FRK: variants seen among roughly 807,000 people sequenced by gnomAD.
The protein encoded by FRK is fyn related Src family tyrosine kinase.
FRK carries 51 observed loss-of-function variants against 56.4 expected under a neutral mutation model. That is an observed-to-expected ratio of 0.90 (90% CI 0.72 to 1.14). The LOEUF is 1.14. FRK is among the 50% of genes most tolerant of loss of function. The pLI, the probability that FRK is intolerant of heterozygous loss-of-function variation, is 0.00. For missense variants in FRK, 570 were observed against 601.4 expected (o/e 0.95, Z 0.55); for synonymous variants, 245 against 217.9 (o/e 1.12, Z -1.10).
At chr6:116,035,741 C>G (rs1381438682) in intron 1 of FRK, among the ~76,000 whole-genome samples, 2 of 152,066 alleles carry the variant, frequency 1.3e-5, no homozygotes, top group Admixed American at 6.6e-5. Context: ...TCCTTAATCA[C>G]TACTGCACTC....
the FRK span, among the ~76,000 whole-genome samples, chr6:116,083,209 T>C: frequency 6.6e-6 from 1 of 152,218 alleles, no homozygotes; most frequent in Non-Finnish European, 1.5e-5. Context: ...ATAACGTCAG[T>C]GACTCTACAG....
the FRK span, among the ~76,000 whole-genome samples, chr6:116,092,966 TAGGGAAAAATGGCCACCTG>T: frequency 6.6e-6 from 1 of 152,142 alleles, no homozygotes; most frequent in Non-Finnish European, 1.5e-5. Flanking sequence ...CTCTCTCTGA[TAGGGAAAAATGGCCACCTG>T]AGGGAGGTAT....
intron 5 of FRK, among the ~76,000 whole-genome samples, chr6:115,950,571 G>A (rs768167156): frequency 1.8e-4 from 28 of 152,218 alleles, no homozygotes; most frequent in Non-Finnish European, 3.2e-4. Flanking sequence ...CTGTTGGTGG[G>A]AGTGTAAATT....
chr6:115,965,157 A>G (rs1773514901), intron 4 of FRK, among the ~76,000 whole-genome samples: 1 of 141,054 alleles, frequency 7.1e-6, no homozygotes, highest in African/African-American at 2.7e-5. Flanking sequence ...TCATCTGACA[A>G]AGGGCTAATA....
rs1771972848 is a variant in FRK, at chr6:115,932,397, T to G, written c.*10017A>C. ...CTGAATATTTGCATCATGTTGAAGA[T>G]TATAGACTGAATCTTCTACATAATA... On this transcript the variant is annotated 3_prime_UTR_variant, in exon 8 of 8. Transcript: ENST00000606080. 6.6e-6 allele frequency: 1 copy of G among 152,214 alleles called. No individual in the cohort carries two copies. The highest frequency in any genetic ancestry group is 1.5e-5 in the Non-Finnish European group (1 of 68,036). The allele number at this position is 152,214 out of a possible 1,614,324, so 9.4% of individuals were successfully genotyped here. A position where few individuals can be genotyped will look rare whatever the true frequency, so the allele number is the denominator to read the frequency against.
At chr6:115,976,237 A>G (rs1050594626) in intron 2 of FRK, among the ~76,000 whole-genome samples, 3 of 152,178 alleles carry the variant, frequency 2.0e-5, no homozygotes, top group African/African-American at 7.2e-5. Context: ...CTCTGCCACT[A>G]TATAAAAGAA....
intron 2 of FRK, among the ~76,000 whole-genome samples, chr6:115,971,866 C>T (rs1344178741): frequency 6.6e-6 from 1 of 152,192 alleles, no homozygotes; most frequent in East Asian, 1.9e-4. Flanking sequence ...TGCTCCTCCA[C>T]TTTTCCTTCC....
chr6:116,080,376 A>C, the FRK span, among the ~76,000 whole-genome samples: 3 of 152,150 alleles, frequency 2.0e-5, no homozygotes, highest in South Asian at 6.2e-4. Context: ...GGATGGTCTC[A>C]ATCTCCTGAC....
At chr6:116,030,676 T>C (rs1335497095) in intron 1 of FRK, among the ~76,000 whole-genome samples, 1 of 152,192 alleles carries the variant, frequency 6.6e-6, no homozygotes, top group Non-Finnish European at 1.5e-5. Flanking sequence ...CCTTCATTGC[T>C]TTCCCCATAC....
chr6:116,036,737 TTAAA>T (rs1582740842), intron 1 of FRK, among the ~76,000 whole-genome samples: 1 of 152,114 alleles, frequency 6.6e-6, no homozygotes, highest in East Asian at 1.9e-4. Context: ...ACTTTATTCA[TTAAA>T]TAAGTAAAAT....
chr6:116,009,139 C>G (rs573025001), intron 1 of FRK, among the ~76,000 whole-genome samples: 2 of 152,218 alleles, frequency 1.3e-5, no homozygotes, highest in South Asian at 4.1e-4. Flanking sequence ...TTATTTTGAA[C>G]AAGGTTTGAA....
chr6:116,017,718 G>A (rs937203721), intron 1 of FRK, among the ~76,000 whole-genome samples: 5 of 152,142 alleles, frequency 3.3e-5, no homozygotes, highest in Non-Finnish European at 5.9e-5. Flanking sequence ...AGGTTCCCAA[G>A]TGCCACAGGC....
chr6:115,958,630 AAAAGGAAAGAAAG>A, intron 4 of FRK, among the ~76,000 whole-genome samples: 3 of 13,820 alleles, frequency 2.2e-4, no homozygotes, highest in Non-Finnish European at 1.8e-4. Flanking sequence ...TCTGTCTCAA[AAAAGGAAAGAAAG>A]AAAAGAAAGA....
At chr6:116,045,244 A>G (rs1200901091) in intron 1 of FRK, among the ~76,000 whole-genome samples, 5 of 152,348 alleles carry the variant, frequency 3.3e-5, no homozygotes, top group Admixed American at 3.3e-4. Context: ...TTTAAATTTC[A>G]TATGGAACCA....
At chr6:115,946,404 G>A (rs1198868100) in intron 5 of FRK, among the ~76,000 whole-genome samples, 1 of 152,128 alleles carries the variant, frequency 6.6e-6, no homozygotes, top group Non-Finnish European at 1.5e-5. Context: ...GAATTAAAAT[G>A]AATTAATTCA....
At chr6:116,030,556 G>A (rs1179659196) in intron 1 of FRK, among the ~76,000 whole-genome samples, 1 of 152,018 alleles carries the variant, frequency 6.6e-6, no homozygotes, top group Non-Finnish European at 1.5e-5. Context: ...GCCATGAGGA[G>A]GGAAGAGCTG....
upstream of FRK, among the ~76,000 whole-genome samples, chr6:116,061,529 T>G (rs540182154): frequency 1.1e-4 from 17 of 148,058 alleles, no homozygotes; most frequent in Non-Finnish European, 2.4e-4. Flanking sequence ...TGCTAAACTT[T>G]GACCTCCAGA....
At chr6:115,978,489 G>T (rs1774069416) in intron 2 of FRK, among the ~76,000 whole-genome samples, 1 of 152,136 alleles carries the variant, frequency 6.6e-6, no homozygotes, top group Non-Finnish European at 1.5e-5. Flanking sequence ...GCCAGATTTG[G>T]CACTGTGCCT....
chr6:115,959,380 GAAC>G (rs1460034838), intron 4 of FRK, among the ~76,000 whole-genome samples: 1 of 152,102 alleles, frequency 6.6e-6, no homozygotes, highest in East Asian at 1.9e-4. Flanking sequence ...CTTCCTTAGA[GAAC>G]AACGTTAGGA....
Sources: allele counts gnomAD v4.1 joint callset (sites outside exome capture counted in the v4.1 genomes callset), GRCh38; gene constraint gnomAD v4.1.1; transcripts MANE v1.5; gene names NCBI Gene and HGNC (gene_info 2026-07-23, HGNC 2026-07-21).